AGPAT5: variants seen among roughly 807,000 people sequenced by gnomAD.
AGPAT5 encodes the protein 1-acylglycerol-3-phosphate O-acyltransferase 5, also known as 1-acyl-sn-glycerol-3-phosphate acyltransferase epsilon.
A neutral mutation model predicts 45.6 loss-of-function variants in AGPAT5; 46 were observed. The ratio of observed to expected loss-of-function variants is 1.01; its 90% CI spans 0.80 to 1.29. The LOEUF is 1.29. AGPAT5 is among the 50% of genes most tolerant of loss of function. The pLI is 0.00. For missense variants in AGPAT5, 673 were observed against 450.7 expected (o/e 1.49, Z -4.47); for synonymous variants, 272 against 167.0 (o/e 1.63, Z -4.85).
chr8:6,731,197 C>T (rs1027001025), intron 3 of AGPAT5, among the ~76,000 whole-genome samples: 1 of 152,176 alleles, frequency 6.6e-6, no homozygotes, highest in African/African-American at 2.4e-5. Flanking sequence ...TAACAATATA[C>T]TTCATGTGAA....
chr8:6,727,143 T>C (rs1305628197), intron 2 of AGPAT5, among the ~76,000 whole-genome samples: 2 of 152,192 alleles, frequency 1.3e-5, no homozygotes, highest in Non-Finnish European at 2.9e-5. Context: ...AGACTGTTGT[T>C]CTGCTTAGAC....
intron 4 of AGPAT5, among the ~76,000 whole-genome samples, chr8:6,739,760 A>C (rs1243407426): frequency 2.0e-5 from 3 of 151,962 alleles, no homozygotes; most frequent in Non-Finnish European, 2.9e-5. Flanking sequence ...TTTCTTGCTA[A>C]ATTTTCTGGC....
rs1007917402 is a variant in AGPAT5 at position 6,741,648 on chromosome 8, C to T, written c.496-13C>T. 5.1e-6 allele frequency: 8 copies of T among 1,568,040 alleles called. No individual in the cohort carries two copies. Among genetic ancestry groups the T allele is most frequent in the East Asian group, 4.6e-5 (2 of 43,304 alleles). Reference sequence around the variant, plus strand: ...TCACACAAAATAAACCAAATTTGCTCTATGTCCCACAGATGTATCTTGTGA... The same window carrying T: ...TCACACAAAATAAACCAAATTTGCTTTATGTCCCACAGATGTATCTTGTGA... On this transcript the variant is annotated splice_polypyrimidine_tract_variant and intron_variant, in intron 4 of 7. Coordinates refer to ENST00000285518, the MANE Select transcript of AGPAT5 (RefSeq NM_018361.5).
At position 6,732,784 on chromosome 8, in the gene AGPAT5, A is replaced by G. The variant is rs1474745359; in HGVS notation, c.495+134A>G. On this transcript the variant is annotated intron_variant, in intron 4 of 7. Transcript: ENST00000285518. ...TACTAATTCAGGGTTATGCTGAGGT[A>G]ACAGAAACCCTCTATGTACAGGTAG... 4 of 807,610 alleles carry G rather than the reference A, an allele frequency of 5.0e-6. No homozygotes were observed. In the Admixed American group the frequency reaches 1.4e-4, roughly 28 times the overall value. 50.0% of individuals were successfully genotyped at this position (807,610 alleles called of 1,614,324 possible).
At chr8:6,721,499 A>C (rs538743340) in intron 1 of AGPAT5, among the ~76,000 whole-genome samples, 1 of 152,348 alleles carries the variant, frequency 6.6e-6, no homozygotes, top group East Asian at 1.9e-4. Flanking sequence ...TGTATGAAGT[A>C]GTTTACATAG....
intron 4 of AGPAT5, chr8:6,738,667 T>TA (rs2116920141): frequency 6.6e-6 from 1 of 152,340 alleles, no homozygotes; most frequent in Non-Finnish European, 1.5e-5. Context: ...CGAAGCATGA[T>TA]AAAATGAGAT....
At chr8:6,744,834 T>A (rs1801377788) in intron 5 of AGPAT5, among the ~76,000 whole-genome samples, 1 of 152,220 alleles carries the variant, frequency 6.6e-6, no homozygotes, top group Non-Finnish European at 1.5e-5. Flanking sequence ...AGTGCTGGGC[T>A]GTTCTGTTCC....
intron 4 of AGPAT5, among the ~76,000 whole-genome samples, chr8:6,738,140 G>C (rs1801116945): frequency 6.6e-6 from 1 of 152,188 alleles, no homozygotes; most frequent in Non-Finnish European, 1.5e-5. Context: ...CAACTTGGCT[G>C]TTTAGTGGAA....
intron 2 of AGPAT5, among the ~76,000 whole-genome samples, chr8:6,728,056 T>G (rs977232515): frequency 6.6e-6 from 1 of 152,226 alleles, no homozygotes; most frequent in Non-Finnish European, 1.5e-5. Context: ...GCGCTGCACA[T>G]GCAGTATCTC....
At chr8:6,741,888 A>G in intron 5 of AGPAT5, 137 bp downstream of exon 5, 1 of 621,130 alleles carries the variant, frequency 1.6e-6, no homozygotes, top group South Asian at 2.2e-5. Context: ...TGTACATATT[A>G]TCTCTTAGGA....
At chr8:6,724,799 A>G (rs564637838) in intron 1 of AGPAT5, 71 bp from the exon 2 acceptor site, 5 of 465,578 alleles carry the variant, frequency 1.1e-5, no homozygotes, top group Non-Finnish European at 1.8e-5. Flanking sequence ...CAGTTTCTTC[A>G]CATTGTCTTC....
At chr8:6,738,943 G>C (rs542577536) in intron 4 of AGPAT5, among the ~76,000 whole-genome samples, 37 of 152,018 alleles carry the variant, frequency 2.4e-4, no homozygotes, top group African/African-American at 8.9e-4. Flanking sequence ...GGAAATTTTA[G>C]AGTTTTGCTT....
intron 4 of AGPAT5, among the ~76,000 whole-genome samples, chr8:6,733,411 C>T (rs1275669976): frequency 6.6e-6 from 1 of 152,186 alleles, no homozygotes; most frequent in Non-Finnish European, 1.5e-5. Context: ...AGGAAGAATT[C>T]TTCACGGTCA....
At position 6,713,600 on chromosome 8, in the gene AGPAT5, C is replaced by G. The variant is rs970583393; in HGVS notation, c.219+4713C>G. Among the ~76,000 whole-genome samples, 5 of 152,184 alleles carry G rather than the reference C, an allele frequency of 3.3e-5. No individual in the cohort carries two copies. In the South Asian group the frequency reaches 6.2e-4, roughly 19 times the overall value. The stretch of plus-strand genomic sequence containing the variant: ...ACAGAATCTCACACTGTTGCCCAAA[C>G]CAGAGGTGCAGTGGTGCAGTCTCCA... On this transcript the variant is annotated intron_variant, in intron 1 of 7. Transcript: ENST00000285518.
rs530951897 is a variant in AGPAT5 at position 6,752,332 on chromosome 8, A to G, written c.746-2719A>G. ...AAATCCTCTTTTTTATAATGTCTAT[A>G]TGTTGGAGAGAGTATGTGCCTTTAC... is the stretch of plus-strand genomic sequence containing the variant. On this transcript the variant is annotated intron_variant, in intron 6 of 7. Transcript: ENST00000285518. 2.0e-5 allele frequency among the ~76,000 whole-genome samples: 3 copies of G among 152,306 alleles called. No individual in the cohort carries two copies. In the East Asian group the frequency reaches 5.8e-4, roughly 29 times the overall value.
intron 4 of AGPAT5, among the ~76,000 whole-genome samples, chr8:6,737,119 T>C (rs747151972): frequency 2.0e-5 from 3 of 152,314 alleles, no homozygotes; most frequent in African/African-American, 4.8e-5. Flanking sequence ...GTGGGCAAAA[T>C]TCCAGCCTTT....
At chr8:6,714,649 G>A (rs1296864206) in intron 1 of AGPAT5, among the ~76,000 whole-genome samples, 4 of 152,166 alleles carry the variant, frequency 2.6e-5, no homozygotes, top group African/African-American at 9.7e-5. Flanking sequence ...CCTTTCCTAG[G>A]TACATCCCAG....
intron 6 of AGPAT5, among the ~76,000 whole-genome samples, chr8:6,751,424 C>T (rs535253956): frequency 6.6e-6 from 1 of 152,324 alleles, no homozygotes; most frequent in African/African-American, 2.4e-5. Flanking sequence ...GCCTCTGCTC[C>T]ACTCCACGTT....
At chr8:6,739,076 A>T (rs1801150889) in intron 4 of AGPAT5, among the ~76,000 whole-genome samples, 1 of 152,136 alleles carries the variant, frequency 6.6e-6, no homozygotes, top group African/African-American at 2.4e-5. Flanking sequence ...CAATGTTTGA[A>T]ATAAGTAGAC....
Sources: gnomAD v4.1 joint callset for allele counts (sites outside exome capture counted in the v4.1 genomes callset) on GRCh38, gnomAD v4.1.1 for gene constraint, MANE v1.5 for transcripts, NCBI Gene and HGNC (gene_info 2026-07-23, HGNC 2026-07-21) for gene names.